The following SLC12A7 variants were observed in gnomAD, a reference collection of about 807,000 sequenced individuals.
SLC12A7 encodes K-Cl cotransporter 4.
Under a neutral mutation model 120.6 loss-of-function variants are expected in SLC12A7, and 100 were observed. The ratio of observed to expected loss-of-function variants is 0.83; its 90% CI spans 0.71 to 0.98. SLC12A7 has a LOEUF of 0.98. Ranked by LOEUF, SLC12A7 falls within the 50% of genes least tolerant of loss-of-function variation. The pLI is 0.00. For synonymous variants in SLC12A7, 760 were observed against 678.0 expected, an observed-to-expected ratio of 1.12 and a Z score of -1.88; for missense variants, 1,373 against 1,548.1, an observed-to-expected ratio of 0.89 and a Z score of 1.90.
At chr5:1,147,641 C>T in the SLC12A7 span, among the ~76,000 whole-genome samples, 2 of 152,222 alleles carry the variant, frequency 1.3e-5, no homozygotes, top group African/African-American at 4.8e-5. Flanking sequence ...ACATTTAAAT[C>T]TCTCTGCTCC....
At chr5:1,104,071 G>A (rs528000337) in intron 1 of SLC12A7, among the ~76,000 whole-genome samples, 97 of 152,294 alleles carry the variant, frequency 6.4e-4, no homozygotes, top group African/African-American at 2.2e-3. Context: ...TGCGGTCGGG[G>A]ACCCTTGGCG....
At position 1,106,222 on chromosome 5, in the gene SLC12A7, G is replaced by A. The variant is rs532314766; in HGVS notation, c.124+5646C>T. 1.2e-4 allele frequency among the ~76,000 whole-genome samples: 19 copies of A among 152,348 alleles called. No homozygotes were observed. In the South Asian group the frequency reaches 3.5e-3, roughly 28 times the overall value. Reference sequence around the variant, plus strand: ...AATCCCAGCACTCCGGGAGGCCGAAGTGGGCAGACCACTAGAGGCCAGGAG... The same window carrying A: ...AATCCCAGCACTCCGGGAGGCCGAAATGGGCAGACCACTAGAGGCCAGGAG... On this transcript the variant is annotated intron_variant, in intron 1 of 23. Transcript: ENST00000264930.
chr5:1,149,182 C>T, the SLC12A7 span, among the ~76,000 whole-genome samples: 1 of 146,562 alleles, frequency 6.8e-6, no homozygotes, highest in African/African-American at 2.6e-5. Flanking sequence ...GTGTGAGCTT[C>T]TGACATCTGT....
At chr5:1,107,934 A>C (rs1299333780) in intron 1 of SLC12A7, among the ~76,000 whole-genome samples, 1 of 152,038 alleles carries the variant, frequency 6.6e-6, no homozygotes, top group Admixed American at 6.5e-5. Context: ...GACCAGGGGG[A>C]GGGAACGGAT....
intron 1 of SLC12A7, among the ~76,000 whole-genome samples, chr5:1,096,970 A>G (rs1205235682): frequency 6.1e-4 from 93 of 152,126 alleles, no homozygotes; most frequent in Non-Finnish European, 1.5e-5. Flanking sequence ...CCTCCCACGC[A>G]GCCAACCCCA....
chr5:1,065,458 G>A lies in SLC12A7; in HGVS notation c.2262C>T (p.Ser754=). 1 of 1,602,904 alleles carries A rather than the reference G, an allele frequency of 6.2e-7. No individual in the cohort carries two copies. The highest frequency in any genetic ancestry group is 8.5e-7 in the Non-Finnish European group (1 of 1,174,024). The change falls in exon 18 of 24, where the codon AGC becomes AGT. Residue 754 remains serine (S), a synonymous_variant. Coordinates refer to ENST00000264930, the MANE Select transcript of SLC12A7 (RefSeq NM_006598.3). ...GGCAGAAGCCCTTGGTCTTCTCTGT[G>A]CTCATTAGGGACCGTATGTTCTGCG... ...RAEENIRSLM[S]TEKTKGFCQL...
At chr5:1,067,898 C>T (rs946729172) in intron 17 of SLC12A7, among the ~76,000 whole-genome samples, 2 of 152,018 alleles carry the variant, frequency 1.3e-5, no homozygotes, top group South Asian at 2.1e-4. Context: ...AGCACCGTGT[C>T]GGGGACCCTG....
chr5:1,105,279 A>G (rs1306937566), intron 1 of SLC12A7, among the ~76,000 whole-genome samples: 2 of 141,222 alleles, frequency 1.4e-5, no homozygotes, highest in Non-Finnish European at 3.0e-5. Context: ...CGCAGGGGTT[A>G]GGTCCTGCAG....
At chr5:1,083,537 C>T (rs1024588642) in intron 8 of SLC12A7, among the ~76,000 whole-genome samples, 2 of 152,360 alleles carry the variant, frequency 1.3e-5, no homozygotes, top group South Asian at 2.1e-4. Flanking sequence ...CGGAGGCTGT[C>T]TCCCTGCCAC....
intron 1 of SLC12A7, among the ~76,000 whole-genome samples, chr5:1,110,226 C>T (rs766858510): frequency 6.6e-6 from 1 of 152,254 alleles, no homozygotes; most frequent in African/African-American, 2.4e-5. Flanking sequence ...TCTGCCAGTT[C>T]GGAGAAATCT....
chr5:1,126,419 T>C, the SLC12A7 span, among the ~76,000 whole-genome samples: 1 of 152,246 alleles, frequency 6.6e-6, no homozygotes, highest in Non-Finnish European at 1.5e-5. Context: ...TTTAATATAA[T>C]TGAGATGTTA....
the SLC12A7 span, among the ~76,000 whole-genome samples, chr5:1,119,198 G>T: frequency 6.6e-6 from 1 of 152,354 alleles, no homozygotes; most frequent in East Asian, 1.9e-4. Context: ...TTTCTGCTGG[G>T]ATCAGAGAAG....
chr5:1,062,627 G>A (rs1009726835), intron 20 of SLC12A7, among the ~76,000 whole-genome samples: 3 of 147,906 alleles, frequency 2.0e-5, no homozygotes, highest in Admixed American at 6.8e-5. Flanking sequence ...CTCACAGCCC[G>A]ACACAAACCA....
Position 1,059,758 on chromosome 5 carries a change from CGGGGGGT to C in SLC12A7, c.2847+579_2847+585del, listed in dbSNP as rs570440691. Among the ~76,000 whole-genome samples, 279 of 107,614 alleles carry C rather than the reference CGGGGGGT, an allele frequency of 2.6e-3. 1 individual carries two copies. The highest frequency in any genetic ancestry group is 0.01 in the African/African-American group (265 of 26,090). 70.6% of individuals were successfully genotyped at this position (107,614 alleles called of 152,430 possible). A position where few individuals can be genotyped will look rare whatever the true frequency, so the allele number is the denominator to read the frequency against. On this transcript the variant is annotated intron_variant, in intron 21 of 23. Transcript: ENST00000264930. ...GCACGGAGGCTGCACAGGTCTGTGT[CGGGGGGT>C]GGGGGGTGGGGGGGTTGGCAACTCC...
At chr5:1,091,777 G>A (rs1398308742) in intron 3 of SLC12A7, among the ~76,000 whole-genome samples, 2 of 152,156 alleles carry the variant, frequency 1.3e-5, no homozygotes, top group African/African-American at 4.8e-5. Flanking sequence ...GTGCAGAAAG[G>A]TGCTGAGTGC....
At chr5:1,093,802 G>A in intron 2 of SLC12A7, 147 bp from the exon 3 acceptor site, 1 of 1,259,982 alleles carries the variant, frequency 7.9e-7, no homozygotes, top group Non-Finnish European at 1.1e-6. Flanking sequence ...CTGGACACCT[G>A]TGTGGCAGGT....
chr5:1,112,336 T>TCCCCGCCCC (rs1743094174), upstream of SLC12A7, among the ~76,000 whole-genome samples: 1 of 5,486 alleles, frequency 1.8e-4, no homozygotes, highest in African/African-American at 1.0e-3. Flanking sequence ...CTCCCCGCCC[T>TCCCCGCCCC]CCCCGCCCTC....
At chr5:1,151,994 G>T in the SLC12A7 span, among the ~76,000 whole-genome samples, 6 of 152,320 alleles carry the variant, frequency 3.9e-5, no homozygotes, top group East Asian at 1.2e-3. This position sits in a 1 kb window ranked among gnomAD's most constrained non-coding sequence, Gnocchi z 6.2. Context: ...GGGAAAGAGG[G>T]TGCAGTCACA....
At chr5:1,129,291 G>A in the SLC12A7 span, among the ~76,000 whole-genome samples, 1 of 152,154 alleles carries the variant, frequency 6.6e-6, no homozygotes, top group African/African-American at 2.4e-5. Context: ...GGCTCCAAGT[G>A]AAAGTCGGAG....
Sources: allele counts gnomAD v4.1 joint callset (sites outside exome capture counted in the v4.1 genomes callset), GRCh38; gene constraint gnomAD v4.1.1; non-coding constraint Gnocchi (gnomAD v3.1); transcripts MANE v1.5; gene names NCBI Gene and HGNC (gene_info 2026-07-23, HGNC 2026-07-21).